Variants in INPP5A observed in about 807,000 individuals in gnomAD.
INPP5A encodes the protein inositol polyphosphate-5-phosphatase A, also known as 43 kDa inositol polyphosphate 5-phophatase.
INPP5A carries 14 observed loss-of-function variants against 65.2 expected under a neutral mutation model. That is an observed-to-expected ratio of 0.21 (90% confidence interval 0.14 to 0.34). The LOEUF is 0.34. INPP5A is among the 10% of genes least tolerant of loss of function. INPP5A has a pLI of 1.00. For synonymous variants in INPP5A, 207 were observed against 208.3 expected (o/e 0.99, Z 0.05); for missense variants, 431 against 545.6 (o/e 0.79, Z 2.09).
Position 132,707,521 on chromosome 10 carries a change from TCATACACTTTGCA to T in INPP5A, c.475-790_475-778del, listed in dbSNP as rs146180478. ...TGGAATCTAAAATTCAGTTCTTCAGTCATACACTTTGCACGCTCGGTGGCCCCGGTGGCTGGCC... is the reference window on the plus strand; with the variant it reads ...TGGAATCTAAAATTCAGTTCTTCAGTCGCTCGGTGGCCCCGGTGGCTGGCC... On this transcript the variant is annotated intron_variant, in intron 6 of 15. Coordinates refer to ENST00000368594, the MANE Select transcript of INPP5A (RefSeq NM_005539.5). The surrounding 1 kb of genome is among the most constrained non-coding windows in gnomAD (Gnocchi z 5.5). Among the ~76,000 whole-genome samples, 278 of 152,326 alleles carry T rather than the reference TCATACACTTTGCA, an allele frequency of 1.8e-3. No individual in the cohort carries two copies. Among genetic ancestry groups the T allele is most frequent in the African/African-American group, 6.3e-3 (261 of 41,570 alleles).
At chr10:132,685,156 CTT>C (rs1446197739) in intron 4 of INPP5A, among the ~76,000 whole-genome samples, 1 of 152,242 alleles carries the variant, frequency 6.6e-6, no homozygotes, top group Non-Finnish European at 1.5e-5. Flanking sequence ...TGCTGCCACT[CTT>C]TTTTCTGAGT....
In INPP5A at chr10:132,698,610, C is replaced by A. The variant is rs1301793953; in HGVS notation, c.474+691C>A. Reference sequence around the variant, plus strand: ...CTCCCTGGCTGTGTAGTTAACCTGTCGAGGCAGCGTTTGCTGCTTTGCCCT... The same window carrying A: ...CTCCCTGGCTGTGTAGTTAACCTGTAGAGGCAGCGTTTGCTGCTTTGCCCT... On this transcript the variant is annotated intron_variant, in intron 6 of 15. Coordinates refer to ENST00000368594, the MANE Select transcript of INPP5A (RefSeq NM_005539.5). This position sits in a 1 kb window ranked among gnomAD's most constrained non-coding sequence, Gnocchi z 5.5. Among the ~76,000 whole-genome samples the A allele has an allele frequency of 6.6e-6, 1 of 152,204 alleles. No individual in the cohort carries two copies. The highest frequency in any genetic ancestry group is 2.4e-5 in the African/African-American group (1 of 41,462).
intron 8 of INPP5A, among the ~76,000 whole-genome samples, chr10:132,726,388 C>G (rs1361141901): frequency 6.6e-6 from 1 of 152,190 alleles, no homozygotes; most frequent in African/African-American, 2.4e-5. Context: ...GGTCCCTCCT[C>G]CCGTCTGTCT....
rs139685254 is a variant in INPP5A, at chr10:132,709,775, C to T, written c.528-562C>T. ...ACTGACCTCCCCTGGTGAGAGGGCA[C>T]GTCCTTGCCAGCTGAAGGTGCTGAG... On this transcript the variant is annotated intron_variant, in intron 7 of 15. Coordinates refer to ENST00000368594, the MANE Select transcript of INPP5A (RefSeq NM_005539.5). Among the ~76,000 whole-genome samples, 69 of 152,322 alleles carry T rather than the reference C, an allele frequency of 4.5e-4. No individual in the cohort carries two copies. The East Asian group carries it at 0.012, about 27-fold the overall frequency.
chr10:132,671,175 G>A (rs995405421), intron 4 of INPP5A, among the ~76,000 whole-genome samples: 4 of 152,162 alleles, frequency 2.6e-5, no homozygotes, highest in Non-Finnish European at 5.9e-5. Flanking sequence ...GAGTGTCCCT[G>A]TCTCTCCCTT....
At chr10:132,582,272 A>G (rs1242831829) in intron 1 of INPP5A, among the ~76,000 whole-genome samples, 1 of 152,160 alleles carries the variant, frequency 6.6e-6, no homozygotes. Context: ...TGCCTTCTTT[A>G]GAAGCTATAT....
chr10:132,643,285 G>C (rs935138751), intron 2 of INPP5A, among the ~76,000 whole-genome samples: 1 of 152,174 alleles, frequency 6.6e-6, no homozygotes, highest in Non-Finnish European at 1.5e-5. Flanking sequence ...TACTGCCACT[G>C]TCTTTCTCTG....
In INPP5A at chr10:132,710,320, T is replaced by C; in HGVS notation, c.528-17T>C. 1 of 1,613,372 alleles carries C rather than the reference T, an allele frequency of 6.2e-7. No homozygotes were observed. Among genetic ancestry groups the C allele is most frequent in the Non-Finnish European group, 8.5e-7 (1 of 1,179,662 alleles). ...CTCCGGCCCTTGGTGACGTGTCCTT[T>C]TCTCTTTTGGTTGCAGTGCCTTTGA... On this transcript the variant is annotated splice_polypyrimidine_tract_variant and intron_variant, in intron 7 of 15. Transcript: ENST00000368594.
chr10:132,768,778 T>G (rs1183070586), intron 12 of INPP5A, among the ~76,000 whole-genome samples: 1 of 152,260 alleles, frequency 6.6e-6, no homozygotes, highest in Non-Finnish European at 1.5e-5. Flanking sequence ...GACTCCCGGT[T>G]TTCAGAATCG....
intron 4 of INPP5A, among the ~76,000 whole-genome samples, chr10:132,681,121 T>G (rs2073038107): frequency 1.3e-5 from 2 of 152,100 alleles, no homozygotes; most frequent in African/African-American, 4.8e-5. Flanking sequence ...GGCTCCTGAG[T>G]CTGGTGGGGA....
chr10:132,598,952 G>C (rs1267768543), intron 1 of INPP5A, among the ~76,000 whole-genome samples: 3 of 152,140 alleles, frequency 2.0e-5, no homozygotes, highest in African/African-American at 7.2e-5. Context: ...GCACAGCAAA[G>C]ACCAACCCCC....
At chr10:132,776,127 A>G (rs12784407) in intron 12 of INPP5A, among the ~76,000 whole-genome samples, 29,353 of 152,128 alleles carry the variant, frequency 0.19, 3,343 homozygotes, top group Non-Finnish European at 0.26. Flanking sequence ...CCTCTCAAAC[A>G]TGTGAAATGG....
rs1473448393 is a variant in INPP5A at position 132,651,845 on chromosome 10, A to G, written c.306+1340A>G. ...TCCCCACCAGTAGTGGAGTCTGTAC[A>G]ATCCCGGGAATCCCCCGTTCGGTCT... On this transcript the variant is annotated intron_variant, in intron 4 of 15. Transcript: ENST00000368594. The surrounding 1 kb of genome is among the most constrained non-coding windows in gnomAD (Gnocchi z 5.0). Among the ~76,000 whole-genome samples, 1 of 152,194 alleles carries G rather than the reference A, an allele frequency of 6.6e-6. No individual in the cohort carries two copies. The highest frequency in any genetic ancestry group is 1.5e-5 in the Non-Finnish European group (1 of 68,028).
intron 5 of INPP5A, among the ~76,000 whole-genome samples, chr10:132,695,303 G>A (rs759347207): frequency 6.6e-6 from 1 of 152,076 alleles, no homozygotes; most frequent in Non-Finnish European, 1.5e-5. Flanking sequence ...TCTCTTCATT[G>A]TTTGAAAAAA....
chr10:132,611,058 T>G (rs1185213271), intron 2 of INPP5A, among the ~76,000 whole-genome samples: 56 of 92,942 alleles, frequency 6.0e-4, no homozygotes, highest in Admixed American at 7.8e-4. Flanking sequence ...ATGAGGGAGG[T>G]GAGTTGGGCA....
At chr10:132,718,485 T>C (rs1056213086) in intron 8 of INPP5A, among the ~76,000 whole-genome samples, 1 of 150,192 alleles carries the variant, frequency 6.7e-6, no homozygotes, top group Admixed American at 6.6e-5. Flanking sequence ...GCCTGGGTTC[T>C]CTCTGGGCGC....
chr10:132,573,142 TG>T (rs2071369567), intron 1 of INPP5A, among the ~76,000 whole-genome samples: 1 of 133,696 alleles, frequency 7.5e-6, no homozygotes, highest in African/African-American at 2.9e-5. Context: ...GTTGAGATGT[TG>T]GGGTGTGTGT....
At chr10:132,689,081 A>G (rs1189898087) in intron 4 of INPP5A, among the ~76,000 whole-genome samples, 1 of 152,226 alleles carries the variant, frequency 6.6e-6, no homozygotes, top group Non-Finnish European at 1.5e-5. Flanking sequence ...TGAATGTGCA[A>G]GAGTGTACAA....
intron 1 of INPP5A, among the ~76,000 whole-genome samples, chr10:132,562,054 A>G (rs1488243125): frequency 6.6e-6 from 1 of 152,270 alleles, no homozygotes; most frequent in Admixed American, 6.5e-5. Context: ...TAAAAACACA[A>G]AACATCAGGT....
Sources: gnomAD v4.1 joint callset for allele counts (sites outside exome capture counted in the v4.1 genomes callset) on GRCh38, gnomAD v4.1.1 for gene constraint, Gnocchi (gnomAD v3.1) non-coding constraint, MANE v1.5 for transcripts, NCBI Gene and HGNC (gene_info 2026-07-23, HGNC 2026-07-21) for gene names.